The following KMT2C variants were observed in gnomAD, a reference collection of about 807,000 sequenced individuals.
The protein encoded by KMT2C is histone-lysine N-methyltransferase 2C.
In KMT2C, 88 loss-of-function variants were observed where a neutral mutation model predicts 507.9. The ratio of observed to expected loss-of-function variants is 0.17; its 90% CI spans 0.15 to 0.21. The LOEUF (loss-of-function observed/expected upper bound fraction) is 0.21, where lower values mean the gene tolerates loss of function less well. KMT2C is among the 10% of genes least tolerant of loss of function. KMT2C has a pLI of 1.00. For missense variants in KMT2C, 4,954 were observed against 5,957.8 expected (o/e 0.83, Z 5.55); for synonymous variants, 2,049 against 2,080.8 (o/e 0.98, Z 0.42).
Position 152,232,589 on chromosome 7 carries a change from A to G in KMT2C, c.2770-2268T>C, listed in dbSNP as rs73728780. On this transcript the variant is annotated intron_variant, in intron 16 of 58. Coordinates refer to ENST00000262189, the MANE Select transcript of KMT2C (RefSeq NM_170606.3). ...CCTAATATATAAATATACCAAACTG[A>G]TAACAGGGAAATAAGAAGGACTGAG... 3.9e-5 allele frequency among the ~76,000 whole-genome samples: 6 copies of G among 152,326 alleles called. No individual in the cohort carries two copies. In the South Asian group the frequency reaches 1.0e-3, roughly 26 times the overall value.
chr7:152,237,588 C>T (rs1207171339), intron 15 of KMT2C, among the ~76,000 whole-genome samples: 8 of 152,204 alleles, frequency 5.3e-5, no homozygotes, highest in Non-Finnish European at 7.3e-5. Flanking sequence ...ACCTCCGTCT[C>T]CTGGGTTCCA....
chr7:152,256,666 T>C (rs1242638628), intron 9 of KMT2C, among the ~76,000 whole-genome samples: 1 of 152,152 alleles, frequency 6.6e-6, no homozygotes, highest in Non-Finnish European at 1.5e-5. Flanking sequence ...CTCTTAAATT[T>C]AGGGGAAAAT....
At chr7:152,250,080 T>C in intron 12 of KMT2C, 127 bp from the exon 13 acceptor site, 1 of 575,624 alleles carries the variant, frequency 1.7e-6, no homozygotes, top group Non-Finnish European at 3.1e-6. Flanking sequence ...CATGAAACAT[T>C]GTACCACTTA....
Position 152,408,014 on chromosome 7 carries a change from G to A in KMT2C, c.161+27612C>T, listed in dbSNP as rs563173287. Among the ~76,000 whole-genome samples the A allele has an allele frequency of 8.5e-5, 13 of 152,232 alleles. No individual in the cohort carries two copies. The East Asian group carries it at 2.1e-3, about 25-fold the overall frequency. On this transcript the variant is annotated intron_variant, in intron 1 of 58. Coordinates refer to ENST00000262189, the MANE Select transcript of KMT2C (RefSeq NM_170606.3). ...TTGTAATAGTGGCCAAGGTGGCCGG[G>A]TGGGGTGGCTCACGCCTGTAATCCC...
In KMT2C at chr7:152,153,536, C is replaced by T. The variant is rs376871097; in HGVS notation, c.12276+474G>A. 1.2e-4 allele frequency among the ~76,000 whole-genome samples: 19 copies of T among 152,196 alleles called. No individual in the cohort carries two copies. The East Asian group carries it at 3.5e-3, about 28-fold the overall frequency. Reference sequence around the variant, plus strand: ...CTGTTGATAAAGTTCTTTTTCATTGCTTAATTTTCTTCTCTGTTAACAGTT... The same window carrying T: ...CTGTTGATAAAGTTCTTTTTCATTGTTTAATTTTCTTCTCTGTTAACAGTT... On this transcript the variant is annotated intron_variant, in intron 48 of 58. Transcript: ENST00000262189.
At chr7:152,218,265 A>T (rs1463363947) in intron 23 of KMT2C, among the ~76,000 whole-genome samples, 1 of 152,066 alleles carries the variant, frequency 6.6e-6, no homozygotes, top group Non-Finnish European at 1.5e-5. Context: ...CCTGGGTTCA[A>T]GCAATCCTCT....
chr7:152,345,368 A>G (rs529455416), intron 2 of KMT2C, among the ~76,000 whole-genome samples: 5 of 152,244 alleles, frequency 3.3e-5, no homozygotes, highest in Non-Finnish European at 7.4e-5. Flanking sequence ...CTTGAGCCCA[A>G]GAGTTCAAGG....
At chr7:152,242,569 T>A (rs1442278836) in intron 14 of KMT2C, among the ~76,000 whole-genome samples, 1 of 151,976 alleles carries the variant, frequency 6.6e-6, no homozygotes. Context: ...CCAAGAAAAA[T>A]AATTTAACCC....
chr7:152,163,326 C>T lies in KMT2C; in HGVS notation c.10251G>A (p.Gln3417=), dbSNP rs1003521577. 1.9e-6 allele frequency: 3 copies of T among 1,614,194 alleles called. No individual in the cohort carries two copies. The highest frequency in any genetic ancestry group is 2.5e-6 in the Non-Finnish European group (3 of 1,180,014). ...QQERQRIQLM[Q]EVDRQRALQQ... is the part of the protein sequence containing the mutation. Reference sequence around the variant, plus strand: ...GCAAAGCTCTTTGTCTATCTACCTCCTGCATGAGTTGGATCCGTTGTCTCT... The same window carrying T: ...GCAAAGCTCTTTGTCTATCTACCTCTTGCATGAGTTGGATCCGTTGTCTCT... Residue 3417 remains glutamine, a synonymous_variant, in exon 43 of 59, where the codon CAG becomes CAA. Transcript: ENST00000262189.
chr7:152,168,874 G>A (rs1393315266), intron 41 of KMT2C, among the ~76,000 whole-genome samples: 2 of 152,128 alleles, frequency 1.3e-5, no homozygotes, highest in Non-Finnish European at 2.9e-5. Context: ...GCAAAACGTG[G>A]TTTAGTTCTA....
At chr7:152,145,880 T>C (rs10282254) in intron 53 of KMT2C, among the ~76,000 whole-genome samples, 13,696 of 152,234 alleles carry the variant, frequency 0.09, 1,280 homozygotes, top group African/African-American at 0.23. Flanking sequence ...TTTTCTGGAA[T>C]ACATTGCTTG....
In KMT2C at chr7:152,202,980, C is replaced by T. The variant is rs2094192287; in HGVS notation, c.4046G>A (p.Arg1349Gln). The change falls in exon 26 of 59, where the codon CGA (arginine) becomes CAA (glutamine). Residue 1349 changes from arginine (R) to glutamine (Q), a missense_variant. By Grantham distance (43) the Arg-to-Gln change is conservative. Coordinates refer to ENST00000262189, the MANE Select transcript of KMT2C (RefSeq NM_170606.3). The part of the protein sequence containing the change: ...ESTEKIKKRY[R>Q]KRKNKLEETF... ...TTCTTCAAGCTTATTTTTCCTTTTTCGGTATCTCTTCTTTATTTTTTCAGT... is the reference window on the plus strand; with the variant it reads ...TTCTTCAAGCTTATTTTTCCTTTTTTGGTATCTCTTCTTTATTTTTTCAGT... 19 of 1,608,016 alleles carry T rather than the reference C, an allele frequency of 1.2e-5. No homozygotes were observed. The highest frequency in any genetic ancestry group is 1.3e-5 in the African/African-American group (1 of 74,748).
At chr7:152,180,662 AG>A in intron 36 of KMT2C, 48 bp downstream of exon 36, 1 of 1,354,756 alleles carries the variant, frequency 7.4e-7, no homozygotes, top group Non-Finnish European at 1.0e-6. Flanking sequence ...TGAAATGAAC[AG>A]CTTCCTCAAA....
At chr7:152,400,772 A>G (rs543119358) in intron 1 of KMT2C, among the ~76,000 whole-genome samples, 12 of 152,238 alleles carry the variant, frequency 7.9e-5, no homozygotes, top group East Asian at 1.9e-4. Context: ...TAAAGCTCTA[A>G]TAACAGTAGT....
At chr7:152,351,427 G>A in intron 2 of KMT2C, among the ~76,000 whole-genome samples, 1 of 152,120 alleles carries the variant, frequency 6.6e-6, no homozygotes, top group Admixed American at 6.5e-5. Context: ...ATGACATATT[G>A]AGGTGACAGA....
intron 1 of KMT2C, among the ~76,000 whole-genome samples, chr7:152,410,278 G>A (rs71273585): frequency 3.6e-3 from 492 of 136,952 alleles, no homozygotes; most frequent in Middle Eastern, 8.7e-3. Flanking sequence ...TGGGCATAGT[G>A]GCTGGCACCT....
intron 6 of KMT2C, among the ~76,000 whole-genome samples, chr7:152,276,900 CAT>C (rs1352990563): frequency 2.0e-5 from 3 of 152,164 alleles, no homozygotes; most frequent in East Asian, 1.9e-4. Context: ...AAAAAAGTAA[CAT>C]GTTATAATAA....
At chr7:152,343,238 T>C (rs890722983) in intron 2 of KMT2C, among the ~76,000 whole-genome samples, 2 of 152,144 alleles carry the variant, frequency 1.3e-5, no homozygotes, top group Non-Finnish European at 2.9e-5. Context: ...ATGGATAAAG[T>C]AGACAGCATG....
intron 1 of KMT2C, among the ~76,000 whole-genome samples, chr7:152,374,182 G>A (rs945447024): frequency 6.6e-6 from 1 of 151,810 alleles, no homozygotes; most frequent in African/African-American, 2.4e-5. Flanking sequence ...CAGGCATGGT[G>A]GCACATGCCT....
Sources: allele counts gnomAD v4.1 joint callset (sites outside exome capture counted in the v4.1 genomes callset), GRCh38; gene constraint gnomAD v4.1.1; transcripts MANE v1.5; gene names NCBI Gene and HGNC (gene_info 2026-07-23, HGNC 2026-07-21).